The following RNF17 variants were observed in gnomAD, a reference collection of about 807,000 sequenced individuals.
RNF17 encodes the protein ring finger protein 17, also known as spermatogenesis associated 23.
A neutral mutation model predicts 200.5 loss-of-function variants in RNF17; 31 were observed. The ratio of observed to expected loss-of-function variants is 0.15; its 90% CI spans 0.12 to 0.21. The LOEUF is 0.21. Ranked by LOEUF, RNF17 falls within the 10% of genes least tolerant of loss-of-function variation. RNF17 has a pLI of 1.00. For missense variants in RNF17, 1,628 were observed against 1,905.1 expected (o/e 0.85, Z 2.71); for synonymous variants, 606 against 637.8 (o/e 0.95, Z 0.75).
At chr13:24,806,740 T>C (rs1265037061) in intron 15 of RNF17, among the ~76,000 whole-genome samples, 2 of 151,396 alleles carry the variant, frequency 1.3e-5, no homozygotes, top group African/African-American at 2.4e-5. Context: ...GCTGGTGCGC[T>C]GCACCCACTA....
the RNF17 span, chr13:24,885,321 C>G: frequency 6.2e-7 from 1 of 1,613,644 alleles, no homozygotes; most frequent in Non-Finnish European, 8.5e-7. Flanking sequence ...CTTGGTCTTC[C>G]TCCTCCTCTT....
chr13:24,755,318 C>T, the RNF17 span, among the ~76,000 whole-genome samples: 2 of 152,108 alleles, frequency 1.3e-5, no homozygotes, highest in Non-Finnish European at 2.9e-5. Context: ...TGTCAGCTTA[C>T]TCTCCAAAAG....
intron 3 of RNF17, among the ~76,000 whole-genome samples, chr13:24,775,726 A>T (rs748203005): frequency 2.0e-5 from 3 of 152,194 alleles, no homozygotes; most frequent in Non-Finnish European, 2.9e-5. Flanking sequence ...TTTTTGAATT[A>T]GTAATATCTT....
intron 20 of RNF17, among the ~76,000 whole-genome samples, chr13:24,844,269 C>T (rs1890999731): frequency 6.6e-6 from 1 of 152,082 alleles, no homozygotes; most frequent in Non-Finnish European, 1.5e-5. Context: ...GTAGCTTAAA[C>T]TCTAGTAGAG....
chr13:24,819,059 TTTA>T (rs1317631533), intron 15 of RNF17, among the ~76,000 whole-genome samples: 6 of 152,148 alleles, frequency 3.9e-5, no homozygotes, highest in African/African-American at 9.7e-5. Flanking sequence ...ACACACAGAA[TTTA>T]TTATCTTAAC....
At chr13:24,820,976 G>T (rs1336456262) in intron 15 of RNF17, among the ~76,000 whole-genome samples, 1 of 152,104 alleles carries the variant, frequency 6.6e-6, no homozygotes, top group Non-Finnish European at 1.5e-5. Context: ...TTAAACAACA[G>T]AATTTATTGT....
chr13:24,877,951 A>T (rs148353733), intron 34 of RNF17, among the ~76,000 whole-genome samples: 2 of 152,344 alleles, frequency 1.3e-5, no homozygotes, highest in Non-Finnish European at 2.9e-5. Flanking sequence ...ATTTTACCCA[A>T]AAAGTCTGTA....
At chr13:24,883,139 A>AAGTC (rs1227142378), downstream of RNF17, 6 of 1,535,494 alleles carry the variant, frequency 3.9e-6, no homozygotes, top group African/African-American at 6.8e-5. Flanking sequence ...TTAACATAAA[A>AAGTC]AGTCAGTTAC....
Position 24,854,135 on chromosome 13 carries a change from A to G in RNF17, c.3601A>G (p.Lys1201Glu), listed in dbSNP as rs761723864. 2.5e-6 allele frequency: 4 copies of G among 1,610,222 alleles called. No homozygotes were observed. The highest frequency in any genetic ancestry group is 4.5e-5 in the East Asian group (2 of 44,822). Residue 1201 changes from lysine to glutamate, a missense_variant, in exon 25 of 36, where the codon AAA becomes GAA. Lys to Glu is a moderately conservative substitution (Grantham distance 56). This residue lies in a region of RNF17 where 609 missense variants were observed against 681.9 expected (regional missense o/e 0.89). Coordinates refer to ENST00000255324, the MANE Select transcript of RNF17 (RefSeq NM_031277.3). ...GDDGTIFVVP[K>E]LSEFELIKMT... Reference sequence around the variant, plus strand: ...TGATGGAACTATATTTGTAGTACCTAAACTATCAGGTGAGACCTTCTATGT... The same window carrying G: ...TGATGGAACTATATTTGTAGTACCTGAACTATCAGGTGAGACCTTCTATGT...
At chr13:24,795,580 G>T (rs1440152177) in intron 10 of RNF17, among the ~76,000 whole-genome samples, 1 of 151,978 alleles carries the variant, frequency 6.6e-6, no homozygotes, top group East Asian at 1.9e-4. Flanking sequence ...CCACCAAAAA[G>T]CACACGCATT....
chr13:24,848,133 A>C (rs186961072), intron 22 of RNF17, among the ~76,000 whole-genome samples: 10 of 152,318 alleles, frequency 6.6e-5, no homozygotes, highest in Non-Finnish European at 1.3e-4. Flanking sequence ...TACTATTTAT[A>C]GGTAAGGAAA....
chr13:24,866,081 T>C, intron 29 of RNF17, 63 bp from the exon 30 acceptor site: 1 of 880,850 alleles, frequency 1.1e-6, no homozygotes, highest in Non-Finnish European at 1.8e-6. Flanking sequence ...GGGGATGAAA[T>C]ATGGAAAGTA....
At chr13:24,840,888 A>G (rs886098620) in intron 18 of RNF17, among the ~76,000 whole-genome samples, 6 of 152,180 alleles carry the variant, frequency 3.9e-5, no homozygotes, top group Non-Finnish European at 8.8e-5. Flanking sequence ...CTTAATGGAA[A>G]AAAATTTTTT....
intron 11 of RNF17, among the ~76,000 whole-genome samples, chr13:24,799,110 C>G (rs887516333): frequency 1.3e-5 from 2 of 152,172 alleles, no homozygotes; most frequent in African/African-American, 4.8e-5. Flanking sequence ...GATGGCAAGA[C>G]AGTCTCATTC....
rs1887940404 is a variant in RNF17, at chr13:24,820,587, C to T, written c.2092-5032C>T. 3.9e-5 allele frequency among the ~76,000 whole-genome samples: 6 copies of T among 152,054 alleles called. No individual in the cohort carries two copies. In the South Asian group the frequency reaches 1.2e-3, roughly 32 times the overall value. On this transcript the variant is annotated intron_variant, in intron 15 of 35. Coordinates refer to ENST00000255324, the MANE Select transcript of RNF17 (RefSeq NM_031277.3). ...AGTAGCTGGGACTACAGGTGCCCAC[C>T]ACCACGCCCGGCTAATTTTTGTATT...
intron 2 of RNF17, among the ~76,000 whole-genome samples, chr13:24,772,556 A>G (rs1471014830): frequency 6.6e-6 from 1 of 151,936 alleles, no homozygotes; most frequent in Non-Finnish European, 1.5e-5. Flanking sequence ...ATCAGCAGGA[A>G]AAGAAACAGA....
At chr13:24,887,470 A>T in the RNF17 span, among the ~76,000 whole-genome samples, 3 of 152,172 alleles carry the variant, frequency 2.0e-5, no homozygotes, top group Non-Finnish European at 4.4e-5. Flanking sequence ...AGATTCTCAT[A>T]GGAGCAAGAA....
intron 13 of RNF17, 63 bp from the exon 14 acceptor site, chr13:24,802,318 A>C (rs755147556): frequency 1.2e-5 from 17 of 1,432,330 alleles, no homozygotes; most frequent in Non-Finnish European, 1.6e-5. Context: ...ACCTAAATCC[A>C]GAACATTGTA....
chr13:24,876,872 G>A (rs1349096855), intron 33 of RNF17, 125 bp from the exon 34 acceptor site: 4 of 633,292 alleles, frequency 6.3e-6, no homozygotes, highest in African/African-American at 5.8e-5. Context: ...CATGCTTTTG[G>A]TGTCGTATCC....
Sources: gnomAD v4.1 joint callset for allele counts (sites outside exome capture counted in the v4.1 genomes callset) on GRCh38, gnomAD v4.1.1 for gene constraint, gnomAD v4.1.1 regional missense constraint, MANE v1.5 for transcripts, NCBI Gene and HGNC (gene_info 2026-07-23, HGNC 2026-07-21) for gene names.